Variants in RBFOX3 observed in about 807,000 individuals in gnomAD.
RBFOX3 encodes RNA binding fox-1 homolog 3.
A neutral mutation model predicts 48.7 loss-of-function variants in RBFOX3; 17 were observed. That is an observed-to-expected ratio of 0.35 (90% confidence interval 0.24 to 0.52). RBFOX3 has a LOEUF of 0.52. Ranked by LOEUF, RBFOX3 falls within the 20% of genes least tolerant of loss-of-function variation. The pLI, the probability that RBFOX3 is intolerant of heterozygous loss-of-function variation, is 0.94. For synonymous variants in RBFOX3, 212 were observed against 209.5 expected, an observed-to-expected ratio of 1.01 and a Z score of -0.10; for missense variants, 382 against 497.5, an observed-to-expected ratio of 0.77 and a Z score of 2.21.
At chr17:79,385,976 G>A in intron 2 of RBFOX3, among the ~76,000 whole-genome samples, 1 of 143,868 alleles carries the variant, frequency 7.0e-6, no homozygotes, top group South Asian at 2.2e-4. Flanking sequence ...CCAGATGGGG[G>A]CTCCATCACT....
At chr17:79,521,972 G>A (rs2086172551) in intron 1 of RBFOX3, among the ~76,000 whole-genome samples, 2 of 152,196 alleles carry the variant, frequency 1.3e-5, no homozygotes, top group African/African-American at 4.8e-5. Flanking sequence ...GCCAGAGTGA[G>A]CGGCAAAGGA....
At chr17:79,122,464 T>C (rs904108844) in intron 4 of RBFOX3, among the ~76,000 whole-genome samples, 1 of 152,228 alleles carries the variant, frequency 6.6e-6, no homozygotes, top group African/African-American at 2.4e-5. Flanking sequence ...GTGCTCACCA[T>C]CATTGATCAT....
intron 1 of RBFOX3, among the ~76,000 whole-genome samples, chr17:79,525,645 G>A (rs2086694937): frequency 6.6e-6 from 1 of 152,182 alleles, no homozygotes; most frequent in Non-Finnish European, 1.5e-5. Flanking sequence ...CCAGGAGCTC[G>A]ATGTCTAAAG....
chr17:79,178,839 T>C (rs1439315884), intron 4 of RBFOX3, among the ~76,000 whole-genome samples: 5 of 152,214 alleles, frequency 3.3e-5, no homozygotes, highest in Non-Finnish European at 7.3e-5. Context: ...CGACCTCAAC[T>C]ACTTGTCTGG....
chr17:79,444,358 CA>C (rs1264640216), intron 2 of RBFOX3, among the ~76,000 whole-genome samples: 1 of 152,076 alleles, frequency 6.6e-6, no homozygotes. Context: ...ACCCTGAGCC[CA>C]GTGAGGTTGG....
intron 5 of RBFOX3, among the ~76,000 whole-genome samples, chr17:79,109,978 G>A (rs2030280365): frequency 6.6e-6 from 1 of 152,122 alleles, no homozygotes; most frequent in African/African-American, 2.4e-5. Flanking sequence ...GGGTTCAATG[G>A]CTGTGAAACC....
rs1427316606 is a variant in RBFOX3, at chr17:79,242,243, G to A, written c.-73-6438C>T. 6.6e-6 allele frequency among the ~76,000 whole-genome samples: 1 copy of A among 152,140 alleles called. No individual in the cohort carries two copies. The highest frequency in any genetic ancestry group is 1.5e-5 in the Non-Finnish European group (1 of 68,020). On this transcript the variant is annotated intron_variant, in intron 3 of 14. Transcript: ENST00000693108. This position sits in a 1 kb window ranked among gnomAD's most constrained non-coding sequence, Gnocchi z 5.8. Reference sequence around the variant, plus strand: ...CTGAGGAGCCCCGGGGTGGGGGGCAGGCCGTATGGAGGGTCCTCGAGGCAG... The same window carrying A: ...CTGAGGAGCCCCGGGGTGGGGGGCAAGCCGTATGGAGGGTCCTCGAGGCAG...
intron 4 of RBFOX3, among the ~76,000 whole-genome samples, chr17:79,217,277 C>T (rs553018730): frequency 6.6e-5 from 10 of 152,320 alleles, no homozygotes; most frequent in Non-Finnish European, 1.3e-4. Flanking sequence ...CCAGTGCTGC[C>T]CTTGAAAAGC....
At chr17:79,543,440 CCCT>C (rs1281238868) in intron 1 of RBFOX3, among the ~76,000 whole-genome samples, 1 of 151,992 alleles carries the variant, frequency 6.6e-6, no homozygotes, top group African/African-American at 2.4e-5. Flanking sequence ...GTAGAATTTC[CCCT>C]CCTGACAAGC....
chr17:79,620,091 GCA>G, the RBFOX3 span, among the ~76,000 whole-genome samples: 1 of 131,394 alleles, frequency 7.6e-6, no homozygotes, highest in African/African-American at 2.8e-5. Flanking sequence ...ACAAGCACAT[GCA>G]CACATGTGTG....
intron 3 of RBFOX3, among the ~76,000 whole-genome samples, chr17:79,291,623 G>A (rs1335311845): frequency 6.6e-6 from 1 of 152,216 alleles, no homozygotes; most frequent in Non-Finnish European, 1.5e-5. Context: ...GGTCTGCAGA[G>A]CCGGAATGGC....
In RBFOX3 at chr17:79,481,200, CTT is replaced by C. The variant is rs2078728243; in HGVS notation, c.-175+1252_-175+1253del. ...CAGCCTGTGTCCGGGCCTCTGGTCT[CTT>C]TGTCCAGGGTTCTCGTCGGCATCAT... On this transcript the variant is annotated intron_variant, in intron 2 of 14. Coordinates refer to ENST00000693108, the MANE Select transcript of RBFOX3 (RefSeq NM_001350451.2). The surrounding 1 kb of genome is among the most constrained non-coding windows in gnomAD (Gnocchi z 5.4). Among the ~76,000 whole-genome samples, 1 of 152,184 alleles carries C rather than the reference CTT, an allele frequency of 6.6e-6. No homozygotes were observed. Among genetic ancestry groups the C allele is most frequent in the African/African-American group, 2.4e-5 (1 of 41,438 alleles).
Position 79,103,288 on chromosome 17 carries a change from A to G in RBFOX3, c.415-34T>C. 7.0e-7 allele frequency: 1 copy of G among 1,437,328 alleles called. No individual in the cohort carries two copies. The highest frequency in any genetic ancestry group is 9.6e-7 in the Non-Finnish European group (1 of 1,044,478). 89.0% of individuals were successfully genotyped at this position (1,437,328 alleles called of 1,614,324 possible). A position where few individuals can be genotyped will look rare whatever the true frequency, so the allele number is the denominator to read the frequency against. On this transcript the variant is annotated intron_variant, in intron 7 of 14. Transcript: ENST00000693108. The surrounding 1 kb of genome is among the most constrained non-coding windows in gnomAD (Gnocchi z 6.1). ...AGAGGAGAGGGAAGGACAGGCACGG[A>G]GAGGAGGACACAGGGCGAGAAAGAG... is the stretch of plus-strand genomic sequence containing the variant.
intron 4 of RBFOX3, among the ~76,000 whole-genome samples, chr17:79,167,270 C>A (rs1202732871): frequency 6.6e-6 from 1 of 151,292 alleles, no homozygotes; most frequent in Non-Finnish European, 1.5e-5. Context: ...AGTGCTAGGC[C>A]CCTCTTCCCT....
At chr17:79,174,199 C>T (rs1182777317) in intron 4 of RBFOX3, among the ~76,000 whole-genome samples, 2 of 152,252 alleles carry the variant, frequency 1.3e-5, no homozygotes, top group East Asian at 3.9e-4. Context: ...GAAGTGCTCA[C>T]TATCACTTAG....
chr17:79,605,608 G>A (rs917836757), intron 1 of RBFOX3, among the ~76,000 whole-genome samples: 2 of 152,196 alleles, frequency 1.3e-5, no homozygotes, highest in Non-Finnish European at 2.9e-5. Flanking sequence ...CTGGAGTCTT[G>A]GGAGAAAGCT....
At chr17:79,226,431 A>C (rs747340257) in intron 4 of RBFOX3, among the ~76,000 whole-genome samples, 3 of 152,126 alleles carry the variant, frequency 2.0e-5, no homozygotes, top group Non-Finnish European at 2.9e-5. Flanking sequence ...AGGATTTTGT[A>C]ATGGTTGGTA....
At chr17:79,091,722 G>A (rs1019113603) in intron 14 of RBFOX3, among the ~76,000 whole-genome samples, 2 of 152,178 alleles carry the variant, frequency 1.3e-5, no homozygotes, top group South Asian at 2.1e-4. Context: ...AAGACATTTC[G>A]AAGCTTGGGG....
chr17:79,460,392 C>T (rs1461972111), intron 2 of RBFOX3, among the ~76,000 whole-genome samples: 1 of 152,152 alleles, frequency 6.6e-6, no homozygotes, highest in African/African-American at 2.4e-5. Context: ...CTATCATCCA[C>T]CACACTCCCA....
Sources: allele counts gnomAD v4.1 joint callset (sites outside exome capture counted in the v4.1 genomes callset), GRCh38; gene constraint gnomAD v4.1.1; non-coding constraint Gnocchi (gnomAD v3.1); transcripts MANE v1.5; gene names NCBI Gene and HGNC (gene_info 2026-07-23, HGNC 2026-07-21).